Variants in LINGO1 observed in about 807,000 individuals in gnomAD.
The protein encoded by LINGO1 is leucine rich repeat and Ig domain containing 1.
A neutral mutation model predicts 37.3 loss-of-function variants in LINGO1; 11 were observed. The ratio of observed to expected loss-of-function variants is 0.29; its 90% CI spans 0.19 to 0.49. LINGO1 has a LOEUF of 0.49. Ranked by LOEUF, LINGO1 falls within the 20% of genes least tolerant of loss-of-function variation. LINGO1 has a pLI of 0.99. For synonymous variants in LINGO1, 387 were observed against 403.0 expected (o/e 0.96, Z 0.48); for missense variants, 585 against 878.2 (o/e 0.67, Z 4.22).
rs150835389 is a variant in LINGO1, at chr15:77,716,569, G to T, written c.-195+18423C>A. 2.3e-3 allele frequency among the ~76,000 whole-genome samples: 348 copies of T among 149,932 alleles called. 19 individuals carry two copies. Among genetic ancestry groups the T allele is most frequent in the Middle Eastern group, 6.9e-3 (2 of 290 alleles). ...CACACACGCACTCATACACACACAC[G>T]TCTATGCAGCATTAGTAACACAGAC... On this transcript the variant is annotated intron_variant, in intron 2 of 3. Transcript: ENST00000561686.
At position 77,660,809 on chromosome 15, in the gene LINGO1, G is replaced by A. The variant is rs1334142288; in HGVS notation, c.-13+16280C>T. ...CCCAGTGTCTGGTTTGGGAGTAGAG[G>A]AATGCACAGAGGCAGGGATGAGATC... is the stretch of plus-strand genomic sequence containing the variant. On this transcript the variant is annotated intron_variant, in intron 3 of 3. Transcript: ENST00000559893. Among the ~76,000 whole-genome samples the A allele has an allele frequency of 2.6e-5, 4 of 152,086 alleles. No homozygotes were observed. The East Asian group carries it at 7.8e-4, about 30-fold the overall frequency.
intron 1 of LINGO1, among the ~76,000 whole-genome samples, chr15:77,764,681 G>A (rs186180316): frequency 4.6e-5 from 7 of 152,288 alleles, no homozygotes; most frequent in Non-Finnish European, 8.8e-5. Flanking sequence ...GCCAAGCATC[G>A]CTGGAGCAAC....
chr15:77,723,942 ATTTTTCCCC>A (rs1378276725), intron 2 of LINGO1, among the ~76,000 whole-genome samples: 6 of 151,904 alleles, frequency 3.9e-5, no homozygotes, highest in Non-Finnish European at 8.8e-5. Flanking sequence ...GCGTTGTGAT[ATTTTTCCCC>A]AGGTTATATT....
chr15:77,676,786 G>C (rs770119165), intron 3 of LINGO1, among the ~76,000 whole-genome samples: 3 of 152,220 alleles, frequency 2.0e-5, no homozygotes, highest in Admixed American at 1.3e-4. Flanking sequence ...GTGAGCATAG[G>C]ACAGCAACGC....
intron 1 of LINGO1, among the ~76,000 whole-genome samples, chr15:77,627,148 A>G (rs966877223): frequency 7.2e-5 from 11 of 152,154 alleles, no homozygotes; most frequent in African/African-American, 2.7e-4. Context: ...ATAACATGTA[A>G]TAAGAGGTTG....
intron 2 of LINGO1, among the ~76,000 whole-genome samples, chr15:77,713,210 T>TGTG (rs1555533524): frequency 4.8e-5 from 6 of 123,808 alleles, no homozygotes; most frequent in African/African-American, 1.3e-4. Context: ...GCCCAGCTAA[T>TGTG]TGTGTGTGTG....
At chr15:77,617,966 C>A (rs1048379090) in intron 1 of LINGO1, among the ~76,000 whole-genome samples, 4 of 152,220 alleles carry the variant, frequency 2.6e-5, no homozygotes, top group African/African-American at 9.6e-5. Context: ...GGCTCTTCTG[C>A]AGTTCAGCTT....
chr15:77,667,485 C>G (rs2075157604), intron 3 of LINGO1, among the ~76,000 whole-genome samples: 1 of 152,170 alleles, frequency 6.6e-6, no homozygotes, highest in Non-Finnish European at 1.5e-5. Flanking sequence ...TCTCAGGGGA[C>G]TGGGCTCGAG....
intron 1 of LINGO1, among the ~76,000 whole-genome samples, chr15:77,763,772 G>A (rs1233925764): frequency 6.6e-6 from 1 of 152,168 alleles, no homozygotes; most frequent in Non-Finnish European, 1.5e-5. Context: ...AGGGTCCGGA[G>A]CTGTTAAGAG....
At chr15:77,709,761 G>C (rs2075895811) in intron 2 of LINGO1, among the ~76,000 whole-genome samples, 1 of 152,232 alleles carries the variant, frequency 6.6e-6, no homozygotes, top group Non-Finnish European at 1.5e-5. Context: ...ACATGACTTG[G>C]CTTATGGAGA....
intron 3 of LINGO1, chr15:77,649,141 C>G (rs901164350): frequency 2.0e-5 from 3 of 152,232 alleles, no homozygotes; most frequent in Admixed American, 6.5e-5. Context: ...GGCTAGCAGT[C>G]TGTATTGTCT....
At chr15:77,797,258 C>T (rs923618625) in intron 1 of LINGO1, among the ~76,000 whole-genome samples, 7 of 152,210 alleles carry the variant, frequency 4.6e-5, no homozygotes, top group Admixed American at 1.3e-4. Context: ...AGACCAAGTC[C>T]CAAATATCTT....
upstream of LINGO1, among the ~76,000 whole-genome samples, chr15:77,634,514 AG>A (rs1231386069): frequency 1.3e-5 from 2 of 152,320 alleles, no homozygotes; most frequent in African/African-American, 4.8e-5. Flanking sequence ...GAGGGAGGGA[AG>A]CCCAGGCCCA....
At chr15:77,745,353 G>A (rs914167311) in intron 1 of LINGO1, among the ~76,000 whole-genome samples, 12 of 151,636 alleles carry the variant, frequency 7.9e-5, no homozygotes, top group Non-Finnish European at 1.3e-4. Flanking sequence ...GTGAACCCGG[G>A]AGGTGGAGCT....
chr15:77,730,271 C>T (rs2076142006), intron 2 of LINGO1, among the ~76,000 whole-genome samples: 1 of 152,182 alleles, frequency 6.6e-6, no homozygotes. Flanking sequence ...CAGTACCTGA[C>T]TATGCCATTT....
At chr15:77,710,739 C>T (rs1271876602) in intron 2 of LINGO1, among the ~76,000 whole-genome samples, 2 of 152,232 alleles carry the variant, frequency 1.3e-5, no homozygotes, top group African/African-American at 4.8e-5. Context: ...GAGGACGGGG[C>T]GGCTGGGGTA....
chr15:77,810,396 G>A (rs1021186222), intron 1 of LINGO1, among the ~76,000 whole-genome samples: 25 of 152,060 alleles, frequency 1.6e-4, no homozygotes, highest in African/African-American at 5.3e-4. Context: ...GAGGGACAGC[G>A]AGGAGGGCAG....
chr15:77,623,072 A>G (rs7162494), intron 1 of LINGO1, among the ~76,000 whole-genome samples: 1 of 152,130 alleles, frequency 6.6e-6, no homozygotes, highest in Non-Finnish European at 1.5e-5. Flanking sequence ...ACGCACCCAC[A>G]TCAAAGGAAC....
At chr15:77,726,095 T>C (rs989310483) in intron 2 of LINGO1, among the ~76,000 whole-genome samples, 7 of 152,210 alleles carry the variant, frequency 4.6e-5, no homozygotes, top group Admixed American at 2.0e-4. Context: ...CATCGGAAGA[T>C]TAGGGCAGGA....
Sources: gnomAD v4.1 joint callset for allele counts (sites outside exome capture counted in the v4.1 genomes callset) on GRCh38, gnomAD v4.1.1 for gene constraint, MANE v1.5 for transcripts, NCBI Gene and HGNC (gene_info 2026-07-23, HGNC 2026-07-21) for gene names.